The following UTRN variants were observed in gnomAD, a reference collection of about 807,000 sequenced individuals.
The protein encoded by UTRN is dystrophin-related protein 1.
A neutral mutation model predicts 463.9 loss-of-function variants in UTRN; 283 were observed. The ratio of observed to expected loss-of-function variants is 0.61; its 90% CI spans 0.55 to 0.67. The LOEUF is 0.67. Among genes scored for constraint, UTRN ranks in the 30% least tolerant of loss-of-function variants. The pLI is 0.00. For missense variants in UTRN, 3,922 were observed against 4,084.3 expected (o/e 0.96, Z 1.08); for synonymous variants, 1,442 against 1,431.5 (o/e 1.01, Z -0.17).
intron 3 of UTRN, among the ~76,000 whole-genome samples, chr6:144,407,403 G>A (rs748965667): frequency 9.9e-5 from 15 of 152,234 alleles, no homozygotes; most frequent in Non-Finnish European, 1.5e-4. Flanking sequence ...ATTGTGCTAA[G>A]TCCTGGATAT....
chr6:144,763,283 G>C (rs973352412), intron 58 of UTRN, among the ~76,000 whole-genome samples: 1 of 152,014 alleles, frequency 6.6e-6, no homozygotes, highest in Non-Finnish European at 1.5e-5. Context: ...CTCCCCCTCT[G>C]AGTGGATCCA....
intron 6 of UTRN, among the ~76,000 whole-genome samples, chr6:144,426,042 A>G (rs1785265050): frequency 2.0e-5 from 3 of 152,218 alleles, no homozygotes; most frequent in Admixed American, 2.0e-4. Flanking sequence ...TGCTTAAGAT[A>G]TAGAAAACAC....
intron 51 of UTRN, among the ~76,000 whole-genome samples, chr6:144,592,327 C>T (rs2128632313): frequency 6.6e-6 from 1 of 152,084 alleles, no homozygotes; most frequent in East Asian, 1.9e-4. Flanking sequence ...AATAGCATAA[C>T]TGGACCAAAA....
At chr6:144,801,527 GAT>G (rs151073512) in intron 64 of UTRN, among the ~76,000 whole-genome samples, 5 of 149,738 alleles carry the variant, frequency 3.3e-5, no homozygotes, top group East Asian at 2.0e-4. Context: ...TTCTACCCAA[GAT>G]ATATATATAT....
At chr6:144,722,298 C>T (rs932497075) in intron 53 of UTRN, among the ~76,000 whole-genome samples, 2 of 151,718 alleles carry the variant, frequency 1.3e-5, no homozygotes, top group African/African-American at 4.8e-5. Flanking sequence ...ATTCTCATGC[C>T]TTGCTCCCTC....
At chr6:144,624,456 A>G (rs983606645) in intron 51 of UTRN, among the ~76,000 whole-genome samples, 1 of 152,336 alleles carries the variant, frequency 6.6e-6, no homozygotes, top group African/African-American at 2.4e-5. Flanking sequence ...TGAAAATGGA[A>G]AAGCAGAAGT....
chr6:144,511,027 G>C lies in UTRN; in HGVS notation c.4848G>C (p.Glu1616Asp), dbSNP rs1795120976. Reference sequence around the variant, plus strand: ...GTGCTGCCCTGCAAAACTTGATTGAGGGCAGTGAGCCTATTTTAGAAGAGA... The same window carrying C: ...GTGCTGCCCTGCAAAACTTGATTGACGGCAGTGAGCCTATTTTAGAAGAGA... ...ESSAALQNLI[E>D]GSEPILEERL... Residue 1616 changes from glutamate to aspartate, a missense_variant, in exon 35 of 75, where the codon GAG (glutamate) becomes GAC (aspartate). Physicochemically the swap from Glu to Asp is conservative, Grantham distance 45. Around this residue, in one of 3 missense-constraint regions of UTRN, gnomAD observed 2,349 missense variants for 2,303.8 expected, o/e 1.02. Transcript: ENST00000367545. The C allele has an allele frequency of 6.2e-7, 1 of 1,613,202 alleles. No homozygotes were observed. The highest frequency in any genetic ancestry group is 1.7e-5 in the Admixed American group (1 of 59,936).
At chr6:144,397,113 A>T (rs1308089359) in intron 2 of UTRN, among the ~76,000 whole-genome samples, 1 of 152,094 alleles carries the variant, frequency 6.6e-6, no homozygotes, top group Non-Finnish European at 1.5e-5. Flanking sequence ...GCTTGGTGGC[A>T]CACGCCTATA....
At chr6:144,595,637 G>T (rs1358916135) in intron 51 of UTRN, among the ~76,000 whole-genome samples, 1 of 152,192 alleles carries the variant, frequency 6.6e-6, no homozygotes, top group Non-Finnish European at 1.5e-5. Flanking sequence ...CCCTGAGTCT[G>T]CAGCATCTAG....
chr6:144,692,235 T>C (rs1469523499), intron 52 of UTRN, among the ~76,000 whole-genome samples: 7 of 152,230 alleles, frequency 4.6e-5, no homozygotes, highest in Admixed American at 4.6e-4. Context: ...TTCTTTTTCA[T>C]GGCTGCATAG....
intron 27 of UTRN, among the ~76,000 whole-genome samples, chr6:144,482,651 A>G (rs1792018095): frequency 6.6e-6 from 1 of 152,166 alleles, no homozygotes; most frequent in South Asian, 2.1e-4. Context: ...GTCATTTTGT[A>G]TATTCAAACT....
intron 51 of UTRN, among the ~76,000 whole-genome samples, chr6:144,669,232 T>A (rs940289543): frequency 6.6e-6 from 1 of 152,170 alleles, no homozygotes; most frequent in South Asian, 2.1e-4. Context: ...ATTTGTTAGA[T>A]TTATCTAATA....
rs142590422 is a variant in UTRN at position 144,593,146 on chromosome 6, A to G, written c.7479+15858A>G. On this transcript the variant is annotated intron_variant, in intron 51 of 74. Transcript: ENST00000367545. ...GAGTAAACTTGTTACCAGAATGCAAAGTCTTGACTGGGAGCTGTCCACGTT... is the reference window on the plus strand; with the variant it reads ...GAGTAAACTTGTTACCAGAATGCAAGGTCTTGACTGGGAGCTGTCCACGTT... 5.3e-3 allele frequency among the ~76,000 whole-genome samples: 812 copies of G among 152,316 alleles called. 6 individuals are homozygous for G. The highest frequency in any genetic ancestry group is 0.019 in the African/African-American group (785 of 41,582).
At chr6:144,717,927 G>T (rs1179616245) in intron 53 of UTRN, among the ~76,000 whole-genome samples, 3 of 151,958 alleles carry the variant, frequency 2.0e-5, no homozygotes, top group Non-Finnish European at 2.9e-5. Flanking sequence ...GAGCCACTGT[G>T]CCCAGCCTGA....
chr6:144,557,694 C>T (rs80306208), intron 50 of UTRN, among the ~76,000 whole-genome samples: 3,163 of 152,002 alleles, frequency 0.021, 127 homozygotes, highest in African/African-American at 0.072. Context: ...ATTGGAATAG[C>T]GTGCTATTTG....
At chr6:144,534,931 C>T (rs1797396111) in intron 43 of UTRN, among the ~76,000 whole-genome samples, 1 of 152,132 alleles carries the variant, frequency 6.6e-6, no homozygotes, top group Non-Finnish European at 1.5e-5. Flanking sequence ...GCATAAATAG[C>T]ATCGTCGTGT....
chr6:144,314,930 A>G (rs958147624), intron 2 of UTRN, among the ~76,000 whole-genome samples: 12 of 151,736 alleles, frequency 7.9e-5, no homozygotes, highest in Non-Finnish European at 1.5e-4. Flanking sequence ...ACCTATGTAT[A>G]TATATACCTC....
At position 144,463,768 on chromosome 6, in the gene UTRN, G is replaced by A. The variant is rs531262153; in HGVS notation, c.3066+902G>A. ...TTTTTCAACGAATGAAATGAAATTA[G>A]CAATAGGAGATTTAGATTTGGATAT... On this transcript the variant is annotated intron_variant, in intron 23 of 74. Transcript: ENST00000367545. Among the ~76,000 whole-genome samples the A allele has an allele frequency of 4.0e-5, 6 of 151,684 alleles. No individual in the cohort carries two copies. The South Asian group carries it at 1.2e-3, about 32-fold the overall frequency.
At chr6:144,512,854 T>C (rs1240840371) in intron 35 of UTRN, among the ~76,000 whole-genome samples, 1 of 152,186 alleles carries the variant, frequency 6.6e-6, no homozygotes, top group African/African-American at 2.4e-5. Context: ...TTTTCTTTTT[T>C]CAACTATGTT....
Sources: allele counts gnomAD v4.1 joint callset (sites outside exome capture counted in the v4.1 genomes callset), GRCh38; gene constraint gnomAD v4.1.1; regional missense constraint gnomAD v4.1.1; transcripts MANE v1.5; gene names NCBI Gene and HGNC (gene_info 2026-07-23, HGNC 2026-07-21).